GNRH2: variants seen among roughly 807,000 people sequenced by gnomAD.
GNRH2 encodes gonadotropin releasing hormone 2.
In GNRH2, 15 loss-of-function variants were observed where a neutral mutation model predicts 12.1. The observed-to-expected ratio is 1.24, with a 90% CI of 0.83 to 1.90. The LOEUF is 1.90. Among genes scored for constraint, GNRH2 ranks in the 40% most tolerant of loss-of-function variants. The pLI is 0.00. For missense variants in GNRH2, 143 were observed against 141.4 expected (o/e 1.01, Z -0.06); for synonymous variants, 60 against 62.0 (o/e 0.97, Z 0.15).
chr20:3,044,125 C>G (rs914311628), intron 1 of GNRH2: 1 of 427,660 alleles, frequency 2.3e-6, no homozygotes, highest in Non-Finnish European at 4.3e-6. Context: ...ATGGATGGAC[C>G]TGGACAAGTG....
At chr20:3,044,233 C>A (rs41309833) in intron 1 of GNRH2, 175 bp from the exon 2 acceptor site, 4 of 578,726 alleles carry the variant, frequency 6.9e-6, no homozygotes, top group South Asian at 6.7e-5. Flanking sequence ...GGGCCAGGAT[C>A]CCCCAGGATC....
At chr20:3,044,133 G>A (rs534567931) in intron 1 of GNRH2, 5 of 449,940 alleles carry the variant, frequency 1.1e-5, no homozygotes, top group Non-Finnish European at 1.2e-5. Flanking sequence ...ACCTGGACAA[G>A]TGGGAGGGCC....
In GNRH2 at chr20:3,044,443, T is replaced by C. The variant is rs2065964515; in HGVS notation, c.29T>C (p.Leu10Pro). 6.2e-7 allele frequency: 1 copy of C among 1,613,600 alleles called. No homozygotes were observed. Among genetic ancestry groups the C allele is most frequent in the Admixed American group, 1.7e-5 (1 of 60,028 alleles). ...GCCAGCTCCAGGCGAGGCCTCCTGC[T>C]CCTGCTGCTGCTGACTGCCCACCTT... Reference protein sequence around the residue: MASSRRGLLLLLLLTAHLGP... With the variant: MASSRRGLLPLLLLTAHLGP... Residue 10 changes from leucine to proline, a missense_variant, in exon 2 of 4, where the codon CTC (leucine) becomes CCC (proline). Transcript: ENST00000359100.
At chr20:3,045,565 C>T in intron 3 of GNRH2, 121 bp from the exon 4 acceptor site, 1 of 792,238 alleles carries the variant, frequency 1.3e-6, no homozygotes, top group East Asian at 2.6e-5. Flanking sequence ...CGGGGGGCGT[C>T]CTGCTGTGGG....
chr20:3,044,427 A>G lies in GNRH2; in HGVS notation c.13A>G (p.Arg5Gly). Residue 5 changes from arginine (R) to glycine (G), a missense_variant, in exon 2 of 4, where the codon AGG becomes GGG. Transcript: ENST00000359100. ...CATTAGAGCAGCCATGGCCAGCTCC[A>G]GGCGAGGCCTCCTGCTCCTGCTGCT... MASS[R>G]RGLLLLLLLT... is the part of the protein sequence containing the mutation. 2 of 1,613,576 alleles carry G rather than the reference A, an allele frequency of 1.2e-6. No individual in the cohort carries two copies. Among genetic ancestry groups the G allele is most frequent in the Non-Finnish European group, 1.7e-6 (2 of 1,179,772 alleles).
chr20:3,044,889 GC>G (rs1475542619), intron 3 of GNRH2, 53 bp downstream of exon 3: 3 of 1,483,040 alleles, frequency 2.0e-6, no homozygotes, highest in Non-Finnish European at 2.8e-6. Context: ...GTCATCAGAG[GC>G]CATTGTGGCT....
intron 3 of GNRH2, among the ~76,000 whole-genome samples, chr20:3,045,249 G>A (rs768650442): frequency 2.6e-5 from 4 of 152,168 alleles, no homozygotes; most frequent in Non-Finnish European, 5.9e-5. Flanking sequence ...AAGAGGACCA[G>A]GTGGTGACTG....
At chr20:3,044,310 C>A in intron 1 of GNRH2, 98 bp from the exon 2 acceptor site, 1 of 910,366 alleles carries the variant, frequency 1.1e-6, no homozygotes, top group Non-Finnish European at 1.8e-6. Flanking sequence ...GATACCAAAG[C>A]TGCCCCTGAG....
chr20:3,044,249 C>T, intron 1 of GNRH2, 159 bp from the exon 2 acceptor site: 1 of 612,036 alleles, frequency 1.6e-6, no homozygotes, highest in Non-Finnish European at 2.9e-6. Context: ...GGATCTGGAC[C>T]CCTGTATGCT....
chr20:3,044,158 G>A, intron 1 of GNRH2: 1 of 487,472 alleles, frequency 2.1e-6, no homozygotes, highest in Non-Finnish European at 3.7e-6. Flanking sequence ...GAGCTGGCAA[G>A]GCAGGTAGCC....
At chr20:3,044,618 T>C (rs2065968380) in intron 2 of GNRH2, 50 bp downstream of exon 2, 1 of 1,608,822 alleles carries the variant, frequency 6.2e-7, no homozygotes, top group Non-Finnish European at 8.5e-7. Flanking sequence ...GGCCGGGGGC[T>C]CCCCCACCCT....
At chr20:3,045,605 G>A in intron 3 of GNRH2, 81 bp from the exon 4 acceptor site, 1 of 1,215,928 alleles carries the variant, frequency 8.2e-7, no homozygotes, top group Non-Finnish European at 1.2e-6. Context: ...GGGGACGAGA[G>A]GGGAGAGAAC....
rs200434347 is a variant in GNRH2 at position 3,044,660 on chromosome 20, G to A, written c.155-40G>A. ...GCCTGAGGTCGGGGTAGGGAGGACA[G>A]CATCAGTTCCCTTCTAAGGAAGGGC... On this transcript the variant is annotated intron_variant, in intron 2 of 3. Transcript: ENST00000359100. The A allele has an allele frequency of 5.5e-5, 89 of 1,604,776 alleles. 1 individual carries two copies. In the East Asian group the frequency reaches 2.0e-3, roughly 35 times the overall value.
rs748430408 is a variant in GNRH2 at position 3,044,581 on chromosome 20, C to CTT, written c.154+13_154+14insTT. ...CTTAGGCCCCCAGGTGGGTGTCTCCCAGCCTCATGGGGAGGAAGAAAGTGA... is the reference window on the plus strand; with the variant it reads ...CTTAGGCCCCCAGGTGGGTGTCTCCCTTAGCCTCATGGGGAGGAAGAAAGTGA... On this transcript the variant is annotated intron_variant, in intron 2 of 3. Coordinates refer to ENST00000359100, the MANE Select transcript of GNRH2 (RefSeq NM_178331.2). 5 of 1,613,004 alleles carry CTT rather than the reference C, an allele frequency of 3.1e-6. No homozygotes were observed. Among genetic ancestry groups the CTT allele is most frequent in the Non-Finnish European group, 4.2e-6 (5 of 1,179,500 alleles).
chr20:3,044,202 C>A lies in GNRH2; in HGVS notation c.-7-206C>A, dbSNP rs2065961232. On this transcript the variant is annotated intron_variant, in intron 1 of 3. Transcript: ENST00000359100. ...CCAGGCTCAGGGAGAAGGCTCGTCCCCTGGAGCATCATCCCCTGCTGGGCC... is the reference window on the plus strand; with the variant it reads ...CCAGGCTCAGGGAGAAGGCTCGTCCACTGGAGCATCATCCCCTGCTGGGCC... The A allele has an allele frequency of 1.1e-5, 6 of 559,414 alleles. No individual in the cohort carries two copies. The South Asian group carries it at 1.2e-4, about 11-fold the overall frequency. The allele number at this position is 559,414 out of a possible 1,614,324, so 34.7% of individuals were successfully genotyped here.
rs1460923522 is a variant in GNRH2 at position 3,044,579 on chromosome 20, C to G, written c.154+11C>G. The G allele has an allele frequency of 3.1e-6, 5 of 1,612,914 alleles. No individual in the cohort carries two copies. The highest frequency in any genetic ancestry group is 2.7e-5 in the African/African-American group (2 of 74,922). On this transcript the variant is annotated intron_variant, in intron 2 of 3. Transcript: ENST00000359100. The stretch of plus-strand genomic sequence containing the variant: ...CCCTTAGGCCCCCAGGTGGGTGTCT[C>G]CCAGCCTCATGGGGAGGAAGAAAGT...
At chr20:3,045,389 CTA>C in intron 3 of GNRH2, among the ~76,000 whole-genome samples, 1 of 152,162 alleles carries the variant, frequency 6.6e-6, no homozygotes, top group Non-Finnish European at 1.5e-5. Flanking sequence ...AGCCCGGTAA[CTA>C]AAGAAGAAAG....
chr20:3,044,558 T>C lies in GNRH2; in HGVS notation c.144T>C (p.Leu48=), dbSNP rs569184811. 1 of 1,613,744 alleles carries C rather than the reference T, an allele frequency of 6.2e-7. No homozygotes were observed. Among genetic ancestry groups the C allele is most frequent in the South Asian group, 1.1e-5 (1 of 91,078 alleles). The part of the protein sequence containing the change: ...LSSAQDPQNA[L]RPPAGSPVQT... Reference sequence around the variant, plus strand: ...CAGCCCAGGATCCCCAGAATGCCCTTAGGCCCCCAGGTGGGTGTCTCCCAG... The same window carrying C: ...CAGCCCAGGATCCCCAGAATGCCCTCAGGCCCCCAGGTGGGTGTCTCCCAG... The change falls in exon 2 of 4, where the codon CTT becomes CTC. Residue 48 remains leucine (L), a synonymous_variant. Transcript: ENST00000359100.
intron 2 of GNRH2, 51 bp from the exon 3 acceptor site, chr20:3,044,649 T>G (rs923004000): frequency 1.9e-6 from 3 of 1,605,782 alleles, no homozygotes; most frequent in East Asian, 2.2e-5. Flanking sequence ...GAGGTCGGGG[T>G]AGGGAGGACA....
Sources: allele counts gnomAD v4.1 joint callset (sites outside exome capture counted in the v4.1 genomes callset), GRCh38; gene constraint gnomAD v4.1.1; transcripts MANE v1.5; gene names NCBI Gene and HGNC (gene_info 2026-07-23, HGNC 2026-07-21).